Variants in MAPK8 observed in about 807,000 individuals in gnomAD.
MAPK8 encodes JUN N-terminal kinase.
A neutral mutation model predicts 52.9 loss-of-function variants in MAPK8; 13 were observed. That is an observed-to-expected ratio of 0.25 (90% CI 0.16 to 0.39). The LOEUF is 0.39. MAPK8 is among the 10% of genes least tolerant of loss of function. The probability of loss-of-function intolerance (pLI) is 1.00; values close to 1 mark genes in which losing one functional copy is unlikely to be tolerated. For missense variants in MAPK8, 300 were observed against 519.2 expected (o/e 0.58, Z 4.10); for synonymous variants, 191 against 169.8 (o/e 1.12, Z -0.97).
intron 1 of MAPK8, among the ~76,000 whole-genome samples, chr10:48,311,341 G>T (rs1446630452): frequency 1.3e-5 from 2 of 152,104 alleles, no homozygotes; most frequent in Admixed American, 1.3e-4. Context: ...TTTAAAATTC[G>T]ATCATCTCAT....
intron 11 of MAPK8, among the ~76,000 whole-genome samples, chr10:48,433,942 A>G (rs1027327463): frequency 1.3e-5 from 2 of 152,206 alleles, no homozygotes; most frequent in African/African-American, 4.8e-5. Context: ...AGTAACTTGC[A>G]TTATTCCAAT....
intron 1 of MAPK8, among the ~76,000 whole-genome samples, chr10:48,313,856 G>A (rs978677994): frequency 6.6e-6 from 1 of 152,142 alleles, no homozygotes; most frequent in Non-Finnish European, 1.5e-5. Flanking sequence ...CCGAGGTTCA[G>A]GTGATTCTCC....
chr10:48,373,971 A>G (rs1379685047), intron 1 of MAPK8, among the ~76,000 whole-genome samples: 2 of 152,204 alleles, frequency 1.3e-5, no homozygotes, highest in African/African-American at 4.8e-5. Context: ...CATCGCACTT[A>G]TACTAAAATT....
chr10:48,406,845 C>T (rs2042498754), intron 3 of MAPK8, among the ~76,000 whole-genome samples: 1 of 152,056 alleles, frequency 6.6e-6, no homozygotes, highest in Non-Finnish European at 1.5e-5. Flanking sequence ...GCATAAGCCA[C>T]CTAGCACACA....
intron 5 of MAPK8, among the ~76,000 whole-genome samples, chr10:48,415,941 A>G (rs567195257): frequency 2.0e-5 from 3 of 152,146 alleles, no homozygotes; most frequent in Non-Finnish European, 4.4e-5. Flanking sequence ...AGCTAATGAG[A>G]TCTACTGGGG....
In MAPK8 at chr10:48,427,067, TTG is replaced by T; in HGVS notation, c.997-9_997-8del. 6.2e-7 allele frequency: 1 copy of T among 1,609,558 alleles called. No homozygotes were observed. Among genetic ancestry groups the T allele is most frequent in the Non-Finnish European group, 8.5e-7 (1 of 1,176,294 alleles). On this transcript the variant is annotated splice_polypyrimidine_tract_variant and intron_variant, in intron 9 of 11. Transcript: ENST00000374189. ...GCATACTGACTTGGTTATTATTGCC[TTG>T]TGTTTTTCAGCCACCACCAAAGATC... is the stretch of plus-strand genomic sequence containing the variant.
At chr10:48,407,900 G>A (rs1407482106) in intron 3 of MAPK8, among the ~76,000 whole-genome samples, 1 of 152,082 alleles carries the variant, frequency 6.6e-6, no homozygotes, top group Non-Finnish European at 1.5e-5. Context: ...AATAGATTTA[G>A]TATTTGTCCA....
rs1589263902 is a variant in MAPK8 at position 48,424,307 on chromosome 10, A to G, written c.688+148A>G. 17 of 791,292 alleles carry G rather than the reference A, an allele frequency of 2.1e-5. 1 individual carries two copies. In the East Asian group the frequency reaches 4.6e-4, roughly 21 times the overall value. The allele number at this position is 791,292 out of a possible 1,614,324, so 49.0% of individuals were successfully genotyped here. A position where few individuals can be genotyped will look rare whatever the true frequency, so the allele number is the denominator to read the frequency against. On this transcript the variant is annotated intron_variant, in intron 7 of 11. Coordinates refer to ENST00000374189, the MANE Select transcript of MAPK8 (RefSeq NM_001323329.2). ...ATTATAGTTCAAAAATTGTTGAGAT[A>G]AGAAGCTGAAATATTTGTAGGCTGC...
At chr10:48,372,439 C>T (rs1354776101) in intron 1 of MAPK8, among the ~76,000 whole-genome samples, 1 of 151,998 alleles carries the variant, frequency 6.6e-6, no homozygotes, top group East Asian at 1.9e-4. Flanking sequence ...GCTAAAGGAG[C>T]ATATTCTAAC....
chr10:48,340,894 A>G (rs1344347893), intron 1 of MAPK8, among the ~76,000 whole-genome samples: 2 of 152,208 alleles, frequency 1.3e-5, no homozygotes, highest in Non-Finnish European at 2.9e-5. Flanking sequence ...CAACTTGGCA[A>G]AGTTTCCATA....
At chr10:48,410,979 T>C (rs538968428) in intron 5 of MAPK8, among the ~76,000 whole-genome samples, 1 of 152,320 alleles carries the variant, frequency 6.6e-6, no homozygotes, top group East Asian at 1.9e-4. Flanking sequence ...GGGTTGTTTG[T>C]CTTTTTGTTG....
chr10:48,354,191 A>C (rs1459057637), intron 1 of MAPK8, among the ~76,000 whole-genome samples: 1 of 152,230 alleles, frequency 6.6e-6, no homozygotes, highest in African/African-American at 2.4e-5. Context: ...TAGCTAAAGC[A>C]TCAAGTGAAA....
chr10:48,362,140 C>T (rs773955041), intron 1 of MAPK8, among the ~76,000 whole-genome samples: 10 of 152,140 alleles, frequency 6.6e-5, no homozygotes, highest in Non-Finnish European at 1.5e-4. Context: ...ACCTGTATGC[C>T]CAGCAAAATG....
intron 1 of MAPK8, among the ~76,000 whole-genome samples, chr10:48,347,972 A>C (rs966979753): frequency 6.6e-6 from 1 of 152,230 alleles, no homozygotes; most frequent in African/African-American, 2.4e-5. Flanking sequence ...GGAATCGCCA[A>C]CTGTCTTCCA....
intron 1 of MAPK8, among the ~76,000 whole-genome samples, chr10:48,315,417 C>T (rs1318901041): frequency 6.6e-6 from 1 of 152,078 alleles, no homozygotes; most frequent in African/African-American, 2.4e-5. Flanking sequence ...TGATTGGCTT[C>T]TATTAAATGG....
chr10:48,354,329 A>G (rs1846634686), intron 1 of MAPK8, among the ~76,000 whole-genome samples: 1 of 152,192 alleles, frequency 6.6e-6, no homozygotes, highest in Non-Finnish European at 1.5e-5. Context: ...CCTCAGCATC[A>G]GAGAGCATTG....
At chr10:48,352,000 A>T (rs1019016142) in intron 1 of MAPK8, among the ~76,000 whole-genome samples, 14 of 152,182 alleles carry the variant, frequency 9.2e-5, no homozygotes, top group Admixed American at 8.5e-4. Flanking sequence ...GTGGACATGA[A>T]AAGGATACTA....
At chr10:48,334,955 T>C (rs1844541839) in intron 1 of MAPK8, among the ~76,000 whole-genome samples, 3 of 152,202 alleles carry the variant, frequency 2.0e-5, no homozygotes, top group Admixed American at 2.0e-4. Context: ...TAAGTTTCAT[T>C]ATCCCCCTTA....
chr10:48,415,558 C>G (rs2043020042), intron 5 of MAPK8, among the ~76,000 whole-genome samples: 1 of 152,180 alleles, frequency 6.6e-6, no homozygotes, highest in Non-Finnish European at 1.5e-5. Context: ...ATTTCCATAA[C>G]ACAAACATTC....
Sources: allele counts gnomAD v4.1 joint callset (sites outside exome capture counted in the v4.1 genomes callset), GRCh38; gene constraint gnomAD v4.1.1; transcripts MANE v1.5; gene names NCBI Gene and HGNC (gene_info 2026-07-23, HGNC 2026-07-21).